The following ROBO2 variants were observed in gnomAD, a reference collection of about 807,000 sequenced individuals.
The protein encoded by ROBO2 is roundabout guidance receptor 2, also known as roundabout homolog 2.
ROBO2 carries 53 observed loss-of-function variants against 160.8 expected under a neutral mutation model. That is an observed-to-expected ratio of 0.33 (90% CI 0.26 to 0.41). ROBO2 has a LOEUF of 0.41. Among genes scored for constraint, ROBO2 ranks in the 10% least tolerant of loss-of-function variants. ROBO2 has a pLI of 1.00. For synonymous variants in ROBO2, 664 were observed against 611.7 expected (o/e 1.09, Z -1.26); for missense variants, 1,577 against 1,722.4 (o/e 0.92, Z 1.49).
intron 2 of ROBO2, among the ~76,000 whole-genome samples, chr3:76,042,211 C>T (rs2067295357): frequency 6.6e-6 from 1 of 151,866 alleles, no homozygotes; most frequent in Non-Finnish European, 1.5e-5. Context: ...CTGATTAGTA[C>T]ATTAACATAA....
intron 2 of ROBO2, among the ~76,000 whole-genome samples, chr3:76,951,065 AATAGAG>A (rs1369404818): frequency 1.3e-5 from 2 of 152,160 alleles, no homozygotes; most frequent in African/African-American, 4.8e-5. Context: ...CTTTACTTTG[AATAGAG>A]ATTCATTTAG....
At chr3:76,426,842 G>A (rs2076241447) in intron 2 of ROBO2, among the ~76,000 whole-genome samples, 2 of 152,080 alleles carry the variant, frequency 1.3e-5, no homozygotes, top group African/African-American at 4.8e-5. Context: ...TTTTATACAG[G>A]TAGAGAGAAA....
intron 2 of ROBO2, among the ~76,000 whole-genome samples, chr3:76,201,883 A>G (rs1200647687): frequency 1.2e-5 from 1 of 85,142 alleles, no homozygotes; most frequent in Non-Finnish European, 2.6e-5. Context: ...ATACAACGAG[A>G]AATGTCAAAA....
chr3:76,571,332 A>T (rs1392228536), intron 2 of ROBO2, among the ~76,000 whole-genome samples: 2 of 152,162 alleles, frequency 1.3e-5, no homozygotes, highest in Admixed American at 6.5e-5. Flanking sequence ...TAAATTTCAG[A>T]TTGTTCTTTG....
chr3:76,033,823 A>G (rs1333148349), intron 2 of ROBO2, among the ~76,000 whole-genome samples: 2 of 152,122 alleles, frequency 1.3e-5, no homozygotes, highest in Non-Finnish European at 2.9e-5. Context: ...GGTCTCTTCC[A>G]TGTAGATTGT....
At chr3:77,496,746 T>C (rs2153603296) in intron 5 of ROBO2, among the ~76,000 whole-genome samples, 1 of 152,212 alleles carries the variant, frequency 6.6e-6, no homozygotes, top group African/African-American at 2.4e-5. Context: ...GCTTTTCAAT[T>C]CAAGTTTAAA....
At chr3:76,445,862 A>G (rs2077155728) in intron 2 of ROBO2, among the ~76,000 whole-genome samples, 1 of 152,202 alleles carries the variant, frequency 6.6e-6, no homozygotes. Context: ...AAAACTCTCA[A>G]TAAATTAGGT....
At chr3:76,906,340 G>A (rs1226387250) in intron 2 of ROBO2, among the ~76,000 whole-genome samples, 1 of 151,600 alleles carries the variant, frequency 6.6e-6, no homozygotes, top group Non-Finnish European at 1.5e-5. Context: ...GTAGATGTTG[G>A]ACATGTTACA....
At chr3:77,542,289 T>G (rs1372282046) in intron 6 of ROBO2, among the ~76,000 whole-genome samples, 2 of 124,820 alleles carry the variant, frequency 1.6e-5, no homozygotes, top group African/African-American at 5.9e-5. Flanking sequence ...GTTTCTTTGG[T>G]CCACCTTCAG....
intron 1 of ROBO2, among the ~76,000 whole-genome samples, chr3:77,095,962 C>T (rs2071004456): frequency 6.6e-6 from 1 of 151,322 alleles, no homozygotes; most frequent in Non-Finnish European, 1.5e-5. Flanking sequence ...TACTCTTTTG[C>T]TTTAGATATC....
intron 2 of ROBO2, among the ~76,000 whole-genome samples, chr3:77,112,364 C>T (rs1239898919): frequency 6.6e-6 from 1 of 151,834 alleles, no homozygotes; most frequent in Non-Finnish European, 1.5e-5. Context: ...CTGCCTCAGC[C>T]TCATGAGTAG....
chr3:77,618,844 T>C (rs2094838864), intron 22 of ROBO2, among the ~76,000 whole-genome samples: 1 of 152,186 alleles, frequency 6.6e-6, no homozygotes, highest in African/African-American at 2.4e-5. Context: ...CAACTTACCG[T>C]TAAACGCTGT....
intron 2 of ROBO2, among the ~76,000 whole-genome samples, chr3:76,240,537 T>C (rs1576047379): frequency 6.6e-6 from 1 of 152,312 alleles, no homozygotes; most frequent in East Asian, 1.9e-4. Flanking sequence ...GAAGGAAACT[T>C]TGAAGCATGT....
chr3:75,980,723 T>C (rs2065250846), intron 2 of ROBO2, among the ~76,000 whole-genome samples: 1 of 151,550 alleles, frequency 6.6e-6, no homozygotes, highest in South Asian at 2.1e-4. Flanking sequence ...TGGACACATA[T>C]ATCTCTGACA....
intron 2 of ROBO2, among the ~76,000 whole-genome samples, chr3:76,686,639 A>G (rs2092691796): frequency 6.6e-6 from 1 of 152,064 alleles, no homozygotes; most frequent in South Asian, 2.1e-4. Flanking sequence ...TAACTGAGAG[A>G]GAAACAGAAA....
intron 2 of ROBO2, among the ~76,000 whole-genome samples, chr3:76,711,704 G>C (rs2093297509): frequency 6.6e-6 from 1 of 152,172 alleles, no homozygotes; most frequent in Non-Finnish European, 1.5e-5. Context: ...TGCTGGGCAA[G>C]AGTCAGTTTT....
At chr3:76,989,493 A>G (rs1229223189) in intron 2 of ROBO2, among the ~76,000 whole-genome samples, 2 of 152,124 alleles carry the variant, frequency 1.3e-5, no homozygotes, top group African/African-American at 2.4e-5. Flanking sequence ...TTAAACTTCT[A>G]AGTTTAAAAA....
intron 23 of ROBO2, among the ~76,000 whole-genome samples, chr3:77,624,683 G>T (rs1234751022): frequency 6.6e-6 from 1 of 152,142 alleles, no homozygotes; most frequent in East Asian, 1.9e-4. Flanking sequence ...AGTGGATGCG[G>T]ATCATACCAC....
rs545854022 is a variant in ROBO2 at position 76,583,136 on chromosome 3, A to G, written c.110-514878A>G. 3.9e-5 allele frequency among the ~76,000 whole-genome samples: 6 copies of G among 152,300 alleles called. No individual in the cohort carries two copies. The South Asian group carries it at 6.2e-4, about 16-fold the overall frequency. On this transcript the variant is annotated intron_variant, in intron 2 of 26. Coordinates refer to the ROBO2 transcript ENST00000487694. Reference sequence around the variant, plus strand: ...TCCCTGGAGTGCCAGGAGGCAAAACATGAATACCTTATGCAGTGCTCCGTT... The same window carrying G: ...TCCCTGGAGTGCCAGGAGGCAAAACGTGAATACCTTATGCAGTGCTCCGTT...
Sources: gnomAD v4.1 joint callset for allele counts (sites outside exome capture counted in the v4.1 genomes callset) on GRCh38, gnomAD v4.1.1 for gene constraint, MANE v1.5 for transcripts, NCBI Gene and HGNC (gene_info 2026-07-23, HGNC 2026-07-21) for gene names.